The following PLCL2 variants were observed in gnomAD, a reference collection of about 807,000 sequenced individuals.
PLCL2 encodes the protein inactive phospholipase C-like protein 2.
Under a neutral mutation model 79.6 loss-of-function variants are expected in PLCL2, and 4 were observed. That is an observed-to-expected ratio of 0.05 (90% CI 0.02 to 0.11). PLCL2 has a LOEUF of 0.11. Ranked by LOEUF, PLCL2 falls within the 10% of genes least tolerant of loss-of-function variation. The pLI is 1.00. For missense variants in PLCL2, 895 were observed against 1,291.0 expected, an observed-to-expected ratio of 0.69 and a Z score of 4.70; for synonymous variants, 484 against 457.7, an observed-to-expected ratio of 1.06 and a Z score of -0.73.
chr3:16,948,020 T>C (rs886277942), intron 1 of PLCL2, among the ~76,000 whole-genome samples: 1 of 152,240 alleles, frequency 6.6e-6, no homozygotes, highest in African/African-American at 2.4e-5. Flanking sequence ...CCAGCAGATA[T>C]TTACATTGAG....
chr3:16,911,188 G>T (rs1178205577), intron 1 of PLCL2, among the ~76,000 whole-genome samples: 1 of 151,214 alleles, frequency 6.6e-6, no homozygotes, highest in Non-Finnish European at 1.5e-5. Flanking sequence ...GGGGGGCGGA[G>T]GTTGTAGTGA....
At chr3:17,064,326 C>G (rs983049933) in intron 4 of PLCL2, among the ~76,000 whole-genome samples, 1 of 152,162 alleles carries the variant, frequency 6.6e-6, no homozygotes, top group Non-Finnish European at 1.5e-5. Context: ...CTCTCTCTCT[C>G]TTGCTTCCCT....
intron 1 of PLCL2, among the ~76,000 whole-genome samples, chr3:16,972,795 TA>T (rs1199507365): frequency 1.3e-5 from 2 of 152,172 alleles, no homozygotes; most frequent in Non-Finnish European, 2.9e-5. Flanking sequence ...TCTGAAATTA[TA>T]ATAGTAACTC....
At chr3:17,013,837 C>T (rs181186821) in intron 2 of PLCL2, among the ~76,000 whole-genome samples, 27 of 152,312 alleles carry the variant, frequency 1.8e-4, no homozygotes, top group African/African-American at 5.3e-4. Flanking sequence ...TGGGCCTTAA[C>T]ATCAGCAGCT....
chr3:16,985,594 C>G (rs551897680), intron 1 of PLCL2, among the ~76,000 whole-genome samples: 2 of 152,220 alleles, frequency 1.3e-5, no homozygotes, highest in South Asian at 2.1e-4. Flanking sequence ...TTTGTGTACT[C>G]CCAATGCTTT....
At chr3:17,067,136 T>C (rs566847826) in intron 4 of PLCL2, among the ~76,000 whole-genome samples, 4 of 152,318 alleles carry the variant, frequency 2.6e-5, no homozygotes, top group African/African-American at 7.2e-5. Flanking sequence ...AAAAGAATTA[T>C]TCCAGCTGAC....
At chr3:16,914,429 ATC>A (rs1254994080) in intron 1 of PLCL2, among the ~76,000 whole-genome samples, 1 of 152,114 alleles carries the variant, frequency 6.6e-6, no homozygotes, top group African/African-American at 2.4e-5. Flanking sequence ...TCTCAAATTC[ATC>A]TGTCATTAAA....
At chr3:17,073,693 A>T (rs575497590) in intron 5 of PLCL2, among the ~76,000 whole-genome samples, 2 of 152,202 alleles carry the variant, frequency 1.3e-5, no homozygotes, top group Admixed American at 6.5e-5. Context: ...GTAATATTCT[A>T]ACTCCTTTGC....
Position 16,961,907 on chromosome 3 carries a change from A to G in PLCL2, c.328-47767A>G, listed in dbSNP as rs185314779. 8.1e-4 allele frequency among the ~76,000 whole-genome samples: 124 copies of G among 152,278 alleles called. 1 individual carries two copies. Among genetic ancestry groups the G allele is most frequent in the Admixed American group, 3.5e-3 (54 of 15,296 alleles). On this transcript the variant is annotated intron_variant, in intron 1 of 5. Transcript: ENST00000615277. Reference sequence around the variant, plus strand: ...AGTGGATACCCAACAGAGGAGCAACACCAGGTGGATAAGGGGTTTGTTTGG... The same window carrying G: ...AGTGGATACCCAACAGAGGAGCAACGCCAGGTGGATAAGGGGTTTGTTTGG...
At chr3:16,979,809 A>G (rs1178555904) in intron 1 of PLCL2, among the ~76,000 whole-genome samples, 2 of 149,106 alleles carry the variant, frequency 1.3e-5, no homozygotes, top group African/African-American at 5.0e-5. Context: ...CTATTCCACA[A>G]AACCGCCATT....
At chr3:16,931,168 T>TTA (rs397729488) in intron 1 of PLCL2, among the ~76,000 whole-genome samples, 12 of 151,946 alleles carry the variant, frequency 7.9e-5, no homozygotes, top group African/African-American at 2.4e-4. Context: ...TTTTTTTTTT[T>TTA]AACTCTAATG....
chr3:17,056,167 G>A (rs2064890390), intron 4 of PLCL2, among the ~76,000 whole-genome samples: 1 of 152,160 alleles, frequency 6.6e-6, no homozygotes, highest in Non-Finnish European at 1.5e-5. Flanking sequence ...CTCTCAGGCT[G>A]TTTTTAACTC....
intron 5 of PLCL2, among the ~76,000 whole-genome samples, chr3:17,086,194 C>A (rs2065218075): frequency 6.6e-6 from 1 of 152,148 alleles, no homozygotes; most frequent in Non-Finnish European, 1.5e-5. Flanking sequence ...TTAAAACTTA[C>A]TGCAAAGCTA....
At chr3:17,038,809 T>G (rs1357586483) in intron 3 of PLCL2, among the ~76,000 whole-genome samples, 4 of 152,204 alleles carry the variant, frequency 2.6e-5, no homozygotes, top group Admixed American at 2.0e-4. Flanking sequence ...TTTTGTGCTT[T>G]CTTCGGATTG....
intron 3 of PLCL2, among the ~76,000 whole-genome samples, chr3:17,042,164 A>G (rs1308784601): frequency 6.6e-6 from 1 of 152,154 alleles, no homozygotes; most frequent in African/African-American, 2.4e-5. Flanking sequence ...TCCTTTTCAT[A>G]GTGATTTTAG....
intron 1 of PLCL2, among the ~76,000 whole-genome samples, chr3:16,981,271 A>C (rs1258768858): frequency 6.6e-6 from 1 of 152,158 alleles, no homozygotes; most frequent in Non-Finnish European, 1.5e-5. Context: ...AAGCAAGTAC[A>C]TTTTCCCCCA....
chr3:16,980,403 C>T (rs2063976772), intron 1 of PLCL2, among the ~76,000 whole-genome samples: 1 of 149,036 alleles, frequency 6.7e-6, no homozygotes, highest in Non-Finnish European at 1.5e-5. Flanking sequence ...GCCGGAGGGG[C>T]TCCTCACTTC....
intron 1 of PLCL2, among the ~76,000 whole-genome samples, chr3:16,926,427 G>A (rs1457412091): frequency 6.6e-6 from 1 of 152,154 alleles, no homozygotes; most frequent in African/African-American, 2.4e-5. Flanking sequence ...ATGAGGTCAT[G>A]TATGCAAAAC....
intron 1 of PLCL2, among the ~76,000 whole-genome samples, chr3:17,000,929 A>T (rs537934745): frequency 6.6e-6 from 1 of 152,092 alleles, no homozygotes; most frequent in Admixed American, 6.6e-5. Context: ...TTTCTTTTGG[A>T]TATATATCCA....
Sources: gnomAD v4.1 joint callset for allele counts (sites outside exome capture counted in the v4.1 genomes callset) on GRCh38, gnomAD v4.1.1 for gene constraint, MANE v1.5 for transcripts, NCBI Gene and HGNC (gene_info 2026-07-23, HGNC 2026-07-21) for gene names.